The following RNF6 variants were observed in gnomAD, a reference collection of about 807,000 sequenced individuals.
RNF6 encodes the protein ring finger protein 6.
A neutral mutation model predicts 50.1 loss-of-function variants in RNF6; 21 were observed. The ratio of observed to expected loss-of-function variants is 0.42; its 90% confidence interval spans 0.30 to 0.60. The LOEUF (loss-of-function observed/expected upper bound fraction) is 0.60, where lower values mean the gene tolerates loss of function less well. RNF6 is among the 20% of genes least tolerant of loss of function. The pLI is 0.20. For synonymous variants in RNF6, 255 were observed against 291.8 expected (o/e 0.87, Z 1.29); for missense variants, 698 against 838.2 (o/e 0.83, Z 2.07).
chr13:26,208,767 G>A (rs151111107), downstream of RNF6, among the ~76,000 whole-genome samples: 183 of 152,290 alleles, frequency 1.2e-3, no homozygotes, highest in African/African-American at 4.3e-3. Context: ...AGTAAAGAAG[G>A]TCATGCTGCT....
At chr13:26,157,598 C>CA (rs1222967507) in intron 5 of RNF6, among the ~76,000 whole-genome samples, 4 of 151,588 alleles carry the variant, frequency 2.6e-5, no homozygotes, top group Non-Finnish European at 2.9e-5. Context: ...TTAAAAGGGG[C>CA]AAAAAAAGCC....
intron 5 of RNF6, among the ~76,000 whole-genome samples, chr13:26,157,611 A>G (rs1400443198): frequency 1.3e-5 from 2 of 152,226 alleles, no homozygotes. Flanking sequence ...AAAAAGCCAA[A>G]CAAGTCATCC....
intron 5 of RNF6, among the ~76,000 whole-genome samples, chr13:26,192,628 G>GC (rs1464433327): frequency 6.6e-6 from 1 of 152,194 alleles, no homozygotes; most frequent in East Asian, 1.9e-4. Context: ...TAGTTTGCAT[G>GC]CTTTGATGAA....
intron 5 of RNF6, among the ~76,000 whole-genome samples, chr13:26,147,769 C>T (rs1871326120): frequency 6.6e-6 from 1 of 152,174 alleles, no homozygotes; most frequent in African/African-American, 2.4e-5. Flanking sequence ...AATCTCAGGT[C>T]TGTGGCTACA....
chr13:26,157,868 A>G (rs1280538264), intron 5 of RNF6, among the ~76,000 whole-genome samples: 1 of 151,874 alleles, frequency 6.6e-6, no homozygotes, highest in Non-Finnish European at 1.5e-5. Context: ...AAGAGATAGC[A>G]TAAAGAGAAA....
intron 5 of RNF6, among the ~76,000 whole-genome samples, chr13:26,184,000 A>ATATATATT (rs1555317795): frequency 1.8e-3 from 18 of 9,740 alleles, no homozygotes; most frequent in African/African-American, 3.3e-3. Context: ...AAATATATAT[A>ATATATATT]TATATATATA....
At chr13:26,155,707 G>A (rs554734036) in intron 5 of RNF6, among the ~76,000 whole-genome samples, 7 of 152,300 alleles carry the variant, frequency 4.6e-5, no homozygotes, top group African/African-American at 1.7e-4. Flanking sequence ...AAAAGGGTGA[G>A]AACAACCTTG....
intron 5 of RNF6, among the ~76,000 whole-genome samples, chr13:26,184,369 C>T (rs9581577): frequency 0.043 from 6,488 of 152,172 alleles, 187 homozygotes; most frequent in Middle Eastern, 0.071. Flanking sequence ...CTCAGTTTAG[C>T]CTCTGCATAA....
intron 5 of RNF6, among the ~76,000 whole-genome samples, chr13:26,182,864 T>TC (rs1873307559): frequency 6.6e-6 from 1 of 152,214 alleles, no homozygotes; most frequent in South Asian, 2.1e-4. Flanking sequence ...CAACTTGGTA[T>TC]CCCACAGAAC....
intron 5 of RNF6, among the ~76,000 whole-genome samples, chr13:26,174,916 C>A (rs576733092): frequency 6.6e-6 from 1 of 152,160 alleles, no homozygotes; most frequent in African/African-American, 2.4e-5. Context: ...CCCACTCTAA[C>A]GGCCTCGGTT....
chr13:26,209,131 T>C (rs1342007757), downstream of RNF6, among the ~76,000 whole-genome samples: 1 of 152,222 alleles, frequency 6.6e-6, no homozygotes, highest in Non-Finnish European at 1.5e-5. Context: ...TAGCCTGCTG[T>C]ATAGAGACCT....
At chr13:26,152,379 C>T (rs986810787) in intron 5 of RNF6, among the ~76,000 whole-genome samples, 1 of 152,160 alleles carries the variant, frequency 6.6e-6, no homozygotes. Context: ...CATCGGATTA[C>T]GTTTCTCCTT....
At chr13:26,163,272 A>G (rs913282176) in intron 5 of RNF6, among the ~76,000 whole-genome samples, 2 of 151,878 alleles carry the variant, frequency 1.3e-5, no homozygotes, top group Non-Finnish European at 2.9e-5. Flanking sequence ...AGATCGCGCC[A>G]TTGCACTCCA....
At chr13:26,188,623 C>CTTTTTTTT (rs1163881143) in intron 5 of RNF6, among the ~76,000 whole-genome samples, 794 of 43,272 alleles carry the variant, frequency 0.018, 218 homozygotes, top group African/African-American at 0.057. Flanking sequence ...GTCAAAAGAG[C>CTTTTTTTT]TTTTTTTTTT....
chr13:26,147,563 G>A (rs1871315077), intron 5 of RNF6, among the ~76,000 whole-genome samples: 1 of 152,152 alleles, frequency 6.6e-6, no homozygotes, highest in Non-Finnish European at 1.5e-5. Context: ...TGACAAAGAA[G>A]ACCCATCAAA....
At chr13:26,171,903 G>C (rs1021530288) in intron 5 of RNF6, among the ~76,000 whole-genome samples, 3 of 152,192 alleles carry the variant, frequency 2.0e-5, no homozygotes, top group African/African-American at 7.2e-5. Flanking sequence ...GGGGCTAGGG[G>C]AAGGGGGTAA....
chr13:26,163,203 T>A (rs1247216055), intron 5 of RNF6, among the ~76,000 whole-genome samples: 1 of 152,092 alleles, frequency 6.6e-6, no homozygotes, highest in Non-Finnish European at 1.5e-5. Context: ...TCCCAGCTAC[T>A]TGGGAGGTTG....
chr13:26,212,276 A>G (rs923406392), downstream of RNF6, among the ~76,000 whole-genome samples: 6 of 152,190 alleles, frequency 3.9e-5, no homozygotes, highest in African/African-American at 1.4e-4. Context: ...AAAGCCTTCA[A>G]ATCTGATTGA....
chr13:26,152,840 G>T (rs1871691882), intron 5 of RNF6, among the ~76,000 whole-genome samples: 1 of 152,154 alleles, frequency 6.6e-6, no homozygotes, highest in Non-Finnish European at 1.5e-5. Flanking sequence ...TTTGGAGGAA[G>T]ATGGTTTAGG....
Sources: gnomAD v4.1 joint callset for allele counts (sites outside exome capture counted in the v4.1 genomes callset) on GRCh38, gnomAD v4.1.1 for gene constraint, MANE v1.5 for transcripts, NCBI Gene and HGNC (gene_info 2026-07-23, HGNC 2026-07-21) for gene names.